The following RASGRP3 variants were observed in gnomAD, a reference collection of about 807,000 sequenced individuals.
RASGRP3 encodes RAS guanyl releasing protein 3.
Under a neutral mutation model 82.7 loss-of-function variants are expected in RASGRP3, and 54 were observed. That is an observed-to-expected ratio of 0.65 (90% CI 0.52 to 0.82). RASGRP3 has a LOEUF of 0.82. Among genes scored for constraint, RASGRP3 ranks in the 40% least tolerant of loss-of-function variants. RASGRP3 has a pLI of 0.00. For missense variants in RASGRP3, 861 were observed against 828.9 expected, an observed-to-expected ratio of 1.04 and a Z score of -0.48; for synonymous variants, 309 against 300.5, an observed-to-expected ratio of 1.03 and a Z score of -0.29.
chr2:33,468,032 CTTT>C (rs1666822801), intron 2 of RASGRP3, among the ~76,000 whole-genome samples: 1 of 119,804 alleles, frequency 8.3e-6, no homozygotes, highest in African/African-American at 4.5e-5. Context: ...TTCTTTCTTT[CTTT>C]CTTTCTTTCT....
intron 13 of RASGRP3, among the ~76,000 whole-genome samples, chr2:33,544,579 G>C (rs1250620146): frequency 1.3e-5 from 2 of 151,742 alleles, no homozygotes; most frequent in Admixed American, 6.6e-5. Flanking sequence ...TTAATAGTAC[G>C]AGATTAGTTC....
chr2:33,551,909 C>T (rs1402487522), intron 14 of RASGRP3, among the ~76,000 whole-genome samples: 7 of 152,132 alleles, frequency 4.6e-5, no homozygotes, highest in Non-Finnish European at 8.8e-5. Context: ...AGGAGAATGG[C>T]GTGAACCCGG....
At chr2:33,439,892 G>C (rs1212758028) in intron 1 of RASGRP3, among the ~76,000 whole-genome samples, 1 of 152,204 alleles carries the variant, frequency 6.6e-6, no homozygotes, top group Non-Finnish European at 1.5e-5. Flanking sequence ...AGAACTTGCT[G>C]GGGGAGAGAT....
chr2:33,507,679 C>A (rs908447852), intron 1 of RASGRP3, among the ~76,000 whole-genome samples: 2 of 152,166 alleles, frequency 1.3e-5, no homozygotes, highest in African/African-American at 4.8e-5. Flanking sequence ...GCATGTGCCA[C>A]CACGCCTGGC....
At chr2:33,452,250 A>T (rs768718651) in intron 2 of RASGRP3, among the ~76,000 whole-genome samples, 2 of 152,052 alleles carry the variant, frequency 1.3e-5, no homozygotes, top group Non-Finnish European at 2.9e-5. Flanking sequence ...TCAGTTACTT[A>T]ATTTTGTTGT....
chr2:33,486,434 T>C (rs1668387495), intron 1 of RASGRP3, among the ~76,000 whole-genome samples: 1 of 152,142 alleles, frequency 6.6e-6, no homozygotes, highest in Non-Finnish European at 1.5e-5. Flanking sequence ...TCCCAAAGTG[T>C]TGGGATTACA....
At chr2:33,524,853 G>T (rs1398675871) in intron 9 of RASGRP3, among the ~76,000 whole-genome samples, 15 of 152,000 alleles carry the variant, frequency 9.9e-5, no homozygotes, top group Admixed American at 9.8e-4. Flanking sequence ...GCTGAGGCGG[G>T]CGGATCACAA....
At chr2:33,480,042 AT>A (rs397868583) in intron 1 of RASGRP3, among the ~76,000 whole-genome samples, 2,376 of 131,828 alleles carry the variant, frequency 0.018, 49 homozygotes, top group African/African-American at 0.057. Flanking sequence ...TGAAAGAGGA[AT>A]TTTTTTTTTT....
At chr2:33,484,786 T>C (rs1035711715) in intron 1 of RASGRP3, among the ~76,000 whole-genome samples, 1 of 152,168 alleles carries the variant, frequency 6.6e-6, no homozygotes, top group Non-Finnish European at 1.5e-5. Context: ...TTTAGAGAAG[T>C]CATATACCTT....
intron 2 of RASGRP3, among the ~76,000 whole-genome samples, chr2:33,455,843 T>TG (rs1361041550): frequency 1.3e-5 from 2 of 152,160 alleles, no homozygotes; most frequent in African/African-American, 2.4e-5. Flanking sequence ...TGACACCTCC[T>TG]GGGGGGAGGA....
At chr2:33,538,802 G>A (rs1332771191) in intron 11 of RASGRP3, among the ~76,000 whole-genome samples, 1 of 152,140 alleles carries the variant, frequency 6.6e-6, no homozygotes, top group Non-Finnish European at 1.5e-5. Flanking sequence ...ACTTTGGGAG[G>A]CTGAGGCCGG....
At chr2:33,447,854 T>G (rs1665584537) in exon 2 of RASGRP3, 1 of 152,192 alleles carries the variant, frequency 6.6e-6, no homozygotes. Context: ...ATCTCTTCTT[T>G]GCCATGGAAA....
At chr2:33,438,117 G>A (rs948798607) in intron 1 of RASGRP3, among the ~76,000 whole-genome samples, 5 of 152,226 alleles carry the variant, frequency 3.3e-5, no homozygotes, top group African/African-American at 1.2e-4. Flanking sequence ...ACATTCACAT[G>A]TTTACATTAT....
chr2:33,436,374 ATGT>A (rs1405880428), exon 1 of RASGRP3: 1 of 152,214 alleles, frequency 6.6e-6, no homozygotes, highest in Non-Finnish European at 1.5e-5. Context: ...AGCAGCTTCA[ATGT>A]TGTTGTTAGG....
intron 2 of RASGRP3, among the ~76,000 whole-genome samples, chr2:33,462,275 G>T (rs1048670201): frequency 1.3e-5 from 2 of 152,060 alleles, no homozygotes; most frequent in African/African-American, 4.8e-5. Context: ...GGCCTGTGTT[G>T]ATTGTTGATT....
chr2:33,452,473 A>T (rs1432488306), intron 2 of RASGRP3, among the ~76,000 whole-genome samples: 1 of 152,340 alleles, frequency 6.6e-6, no homozygotes, highest in East Asian at 1.9e-4. Context: ...TGCCTGAGTC[A>T]GCAGGCAGGA....
chr2:33,548,743 G>A (rs1217286027), intron 13 of RASGRP3, among the ~76,000 whole-genome samples: 2 of 152,062 alleles, frequency 1.3e-5, no homozygotes, highest in African/African-American at 4.8e-5. Flanking sequence ...GTCTCACTCT[G>A]TTGCCCAGGC....
intron 1 of RASGRP3, among the ~76,000 whole-genome samples, chr2:33,498,779 A>G (rs1258087401): frequency 1.3e-5 from 2 of 151,786 alleles, no homozygotes; most frequent in Non-Finnish European, 2.9e-5. Flanking sequence ...CTCTCTCACA[A>G]CACTTTCGTA....
At chr2:33,541,823 T>C (rs1293841857) in intron 12 of RASGRP3, among the ~76,000 whole-genome samples, 1 of 147,688 alleles carries the variant, frequency 6.8e-6, no homozygotes, top group Non-Finnish European at 1.5e-5. Flanking sequence ...TATTTTTCTT[T>C]ATGGCTTCTG....
Sources: gnomAD v4.1 joint callset for allele counts (sites outside exome capture counted in the v4.1 genomes callset) on GRCh38, gnomAD v4.1.1 for gene constraint, MANE v1.5 for transcripts, NCBI Gene and HGNC (gene_info 2026-07-23, HGNC 2026-07-21) for gene names.